AK8: variants seen among roughly 807,000 people sequenced by gnomAD.
AK8 encodes the protein adenylate kinase 8.
AK8 carries 44 observed loss-of-function variants against 54.6 expected under a neutral mutation model. That is an observed-to-expected ratio of 0.81 (90% CI 0.63 to 1.04). The LOEUF (loss-of-function observed/expected upper bound fraction) is 1.04. Among genes scored for constraint, AK8 ranks in the 50% least tolerant of loss-of-function variants. The pLI is 0.00. For synonymous variants in AK8, 239 were observed against 245.6 expected (o/e 0.97, Z 0.25); for missense variants, 555 against 613.6 (o/e 0.90, Z 1.01).
chr9:132,737,589 AT>A (rs1837180604), intron 11 of AK8, among the ~76,000 whole-genome samples: 1 of 152,226 alleles, frequency 6.6e-6, no homozygotes, highest in African/African-American at 2.4e-5. Context: ...AAGTCAATCA[AT>A]AAGTAATTGA....
Position 132,839,826 on chromosome 9 carries a change from G to C in AK8, c.403-11100C>G, listed in dbSNP as rs866279799. Among the ~76,000 whole-genome samples, 20 of 147,426 alleles carry C rather than the reference G, an allele frequency of 1.4e-4. 1 individual carries two copies. The East Asian group carries it at 3.6e-3, about 27-fold the overall frequency. On this transcript the variant is annotated intron_variant, in intron 5 of 12. Coordinates refer to ENST00000298545, the MANE Select transcript of AK8 (RefSeq NM_152572.3). ...AAGAAAACATTTTTTTTGCCGGGGG[G>C]GGGGGCGCAGGGACGGAGCCTTGCT...
chr9:132,840,449 A>ATACAC (rs1304130927), intron 5 of AK8, among the ~76,000 whole-genome samples: 19 of 139,454 alleles, frequency 1.4e-4, no homozygotes, highest in African/African-American at 4.9e-4. Context: ...CACACACACA[A>ATACAC]GGCAAGTGAA....
intron 11 of AK8, among the ~76,000 whole-genome samples, chr9:132,750,081 G>T (rs1837837958): frequency 6.6e-6 from 1 of 150,532 alleles, no homozygotes; most frequent in Non-Finnish European, 1.5e-5. Flanking sequence ...AGGCCCTGAT[G>T]CATCAGGCTT....
intron 2 of AK8, 70 bp from the exon 3 acceptor site, chr9:132,867,023 G>A (rs1374152870): frequency 6.9e-7 from 1 of 1,444,232 alleles, no homozygotes; most frequent in East Asian, 2.3e-5. Context: ...GCGGTACTCG[G>A]GGTGTACTTA....
At chr9:132,842,885 G>C (rs1842600102) in intron 5 of AK8, among the ~76,000 whole-genome samples, 1 of 152,216 alleles carries the variant, frequency 6.6e-6, no homozygotes. Context: ...GCAGTTCCTA[G>C]AGACCAGCCA....
chr9:132,859,978 G>A (rs1843322264), intron 4 of AK8, among the ~76,000 whole-genome samples: 1 of 152,032 alleles, frequency 6.6e-6, no homozygotes, highest in South Asian at 2.1e-4. Flanking sequence ...GAGGACTGGG[G>A]CCATTTTGAC....
At chr9:132,733,372 C>T (rs748706795) in intron 11 of AK8, among the ~76,000 whole-genome samples, 3 of 152,206 alleles carry the variant, frequency 2.0e-5, no homozygotes, top group Non-Finnish European at 2.9e-5. Flanking sequence ...ACGGCTGTCA[C>T]GGCGGCTGGC....
intron 11 of AK8, among the ~76,000 whole-genome samples, chr9:132,728,506 G>C (rs1381230328): frequency 6.6e-6 from 1 of 152,188 alleles, no homozygotes; most frequent in Non-Finnish European, 1.5e-5. Context: ...GTTCCCTGGT[G>C]TTGAAGATTT....
intron 5 of AK8, among the ~76,000 whole-genome samples, chr9:132,842,709 C>T (rs1842594913): frequency 6.6e-6 from 1 of 152,242 alleles, no homozygotes; most frequent in Non-Finnish European, 1.5e-5. Flanking sequence ...TCTGCTCAGT[C>T]TCAAAGGCTG....
intron 10 of AK8, among the ~76,000 whole-genome samples, chr9:132,806,307 G>GT (rs1840723791): frequency 6.6e-6 from 1 of 152,036 alleles, no homozygotes; most frequent in Non-Finnish European, 1.5e-5. Context: ...ACCCTAGAAA[G>GT]TTTCTTTAAA....
chr9:132,839,764 G>A (rs75019164), intron 5 of AK8, among the ~76,000 whole-genome samples: 5 of 145,380 alleles, frequency 3.4e-5, no homozygotes, highest in South Asian at 2.2e-4. Flanking sequence ...CCGTTTTTGC[G>A]GCTTATGACA....
intron 11 of AK8, among the ~76,000 whole-genome samples, chr9:132,760,158 G>A (rs1011641805): frequency 6.6e-6 from 1 of 151,504 alleles, no homozygotes; most frequent in African/African-American, 2.4e-5. Flanking sequence ...TTATTTCAGT[G>A]TACACTTTTC....
chr9:132,754,227 A>T (rs1310972903), intron 11 of AK8, among the ~76,000 whole-genome samples: 1 of 152,244 alleles, frequency 6.6e-6, no homozygotes, highest in Non-Finnish European at 1.5e-5. Context: ...GATGTTTCTG[A>T]AGTACCTCCG....
In AK8 at chr9:132,725,704, G is replaced by C. The variant is rs768062930; in HGVS notation, c.1424C>G (p.Pro475Arg). ...CTGAACCCATCAGGGGATTTTCTTG[G>C]GCAGGGGATTAATGATCCCACTCTC... The part of the protein sequence containing the change: ...YIESGIINPL[P>R]KKIP Residue 475 changes from proline to arginine, a missense_variant, in exon 13 of 13, where the codon CCC becomes CGC. Transcript: ENST00000298545. 6 of 1,576,056 alleles carry C rather than the reference G, an allele frequency of 3.8e-6. No individual in the cohort carries two copies. The highest frequency in any genetic ancestry group is 5.2e-6 in the Non-Finnish European group (6 of 1,158,222).
intron 8 of AK8, among the ~76,000 whole-genome samples, chr9:132,824,403 G>C (rs376410580): frequency 6.6e-6 from 1 of 152,326 alleles, no homozygotes; most frequent in South Asian, 2.1e-4. Flanking sequence ...TGTGCCTTGC[G>C]GTGGGTGCCG....
At chr9:132,824,742 C>A (rs529779918) in intron 8 of AK8, among the ~76,000 whole-genome samples, 1 of 152,310 alleles carries the variant, frequency 6.6e-6, no homozygotes, top group Admixed American at 6.5e-5. Flanking sequence ...CTTTGCTGGA[C>A]TTTTAAATTG....
intron 11 of AK8, among the ~76,000 whole-genome samples, chr9:132,757,317 G>A (rs912655241): frequency 2.0e-5 from 3 of 152,214 alleles, no homozygotes; most frequent in Non-Finnish European, 2.9e-5. Context: ...CAACGAGGCC[G>A]TGTCCAACCC....
intron 4 of AK8, 108 bp from the exon 5 acceptor site, chr9:132,855,033 G>A (rs1267901363): frequency 2.6e-6 from 3 of 1,134,682 alleles, no homozygotes; most frequent in South Asian, 1.3e-5. Context: ...GGAAAGCACC[G>A]ACCACCATCG....
At chr9:132,755,314 A>G (rs889196746) in intron 11 of AK8, among the ~76,000 whole-genome samples, 1 of 151,836 alleles carries the variant, frequency 6.6e-6, no homozygotes, top group Non-Finnish European at 1.5e-5. Context: ...GGTGCCCCCT[A>G]CCCTGCACAC....
Sources: gnomAD v4.1 joint callset for allele counts (sites outside exome capture counted in the v4.1 genomes callset) on GRCh38, gnomAD v4.1.1 for gene constraint, MANE v1.5 for transcripts, NCBI Gene and HGNC (gene_info 2026-07-23, HGNC 2026-07-21) for gene names.